TRAPPC9: variants seen among roughly 807,000 people sequenced by gnomAD.
TRAPPC9 encodes the protein IKK2 binding protein.
A neutral mutation model predicts 124.0 loss-of-function variants in TRAPPC9; 83 were observed. That is an observed-to-expected ratio of 0.67 (90% CI 0.56 to 0.80). The LOEUF (loss-of-function observed/expected upper bound fraction) is 0.80, where lower values mean the gene tolerates loss of function less well. Ranked by LOEUF, TRAPPC9 falls within the 30% of genes least tolerant of loss-of-function variation. The pLI is 0.00. For synonymous variants in TRAPPC9, 638 were observed against 617.5 expected (o/e 1.03, Z -0.49); for missense variants, 1,302 against 1,508.3 (o/e 0.86, Z 2.27).
chr8:139,787,075 C>CT (rs1255351841), intron 21 of TRAPPC9, among the ~76,000 whole-genome samples: 1 of 152,154 alleles, frequency 6.6e-6, no homozygotes. Flanking sequence ...AATTCAGAGA[C>CT]TGAGTCAGTC....
chr8:140,273,792 C>T (rs2065035768), intron 15 of TRAPPC9, among the ~76,000 whole-genome samples: 1 of 152,210 alleles, frequency 6.6e-6, no homozygotes, highest in Non-Finnish European at 1.5e-5. Context: ...TCCACGACAC[C>T]TGTGGCCGAT....
chr8:139,769,449 C>T (rs558718809), intron 21 of TRAPPC9, among the ~76,000 whole-genome samples: 23 of 152,322 alleles, frequency 1.5e-4, no homozygotes, highest in African/African-American at 5.1e-4. Context: ...CAGGGCATGA[C>T]GGGCAAGATG....
intron 17 of TRAPPC9, among the ~76,000 whole-genome samples, chr8:140,192,426 G>C (rs1371746243): frequency 6.6e-6 from 1 of 152,206 alleles, no homozygotes; most frequent in Non-Finnish European, 1.5e-5. Flanking sequence ...GCAGTCAACA[G>C]GCCCAATCGT....
At chr8:139,817,968 C>CT (rs1369919335) in intron 21 of TRAPPC9, among the ~76,000 whole-genome samples, 1 of 152,166 alleles carries the variant, frequency 6.6e-6, no homozygotes, top group African/African-American at 2.4e-5. Flanking sequence ...AATTAATCCA[C>CT]TTCAGTTCCA....
At chr8:139,850,904 GC>G in intron 21 of TRAPPC9, among the ~76,000 whole-genome samples, 1 of 152,104 alleles carries the variant, frequency 6.6e-6, no homozygotes, top group East Asian at 1.9e-4. Flanking sequence ...TCCTGATATG[GC>G]AGGATCAAGA....
At chr8:139,793,482 G>A (rs889989576) in intron 21 of TRAPPC9, among the ~76,000 whole-genome samples, 4 of 152,156 alleles carry the variant, frequency 2.6e-5, no homozygotes, top group Non-Finnish European at 4.4e-5. Flanking sequence ...GCCACCTGCC[G>A]CCTGGCCCCT....
intron 16 of TRAPPC9, among the ~76,000 whole-genome samples, chr8:140,249,349 A>C (rs2064069905): frequency 6.6e-6 from 1 of 152,146 alleles, no homozygotes; most frequent in Non-Finnish European, 1.5e-5. Context: ...GTTGCTGCAA[A>C]GGCCATGATT....
intron 17 of TRAPPC9, among the ~76,000 whole-genome samples, chr8:140,201,630 T>A (rs947404634): frequency 6.6e-6 from 1 of 152,256 alleles, no homozygotes; most frequent in African/African-American, 2.4e-5. Context: ...GTCATTCATA[T>A]GTTTTGTCAG....
At chr8:139,988,640 G>A (rs1159898861) in intron 19 of TRAPPC9, 86 bp downstream of exon 19, 2 of 870,950 alleles carry the variant, frequency 2.3e-6, no homozygotes, top group Admixed American at 2.0e-5. Context: ...TGAGGACTTG[G>A]GGTGGATTAT....
intron 7 of TRAPPC9, among the ~76,000 whole-genome samples, chr8:140,374,463 G>C (rs2068377008): frequency 6.6e-6 from 1 of 152,148 alleles, no homozygotes. Context: ...CCAGCTACTT[G>C]AGAGGCTGAA....
chr8:140,062,635 C>T (rs1383109288), intron 17 of TRAPPC9, among the ~76,000 whole-genome samples: 1 of 152,164 alleles, frequency 6.6e-6, no homozygotes, highest in Non-Finnish European at 1.5e-5. Context: ...GCACCTGCCA[C>T]CAGCCACATT....
intron 22 of TRAPPC9, among the ~76,000 whole-genome samples, chr8:139,731,554 T>C (rs1228778947): frequency 6.6e-6 from 1 of 151,700 alleles, no homozygotes; most frequent in African/African-American, 2.4e-5. Flanking sequence ...GGCCTGACAG[T>C]GAGGTGCTGA....
intron 15 of TRAPPC9, among the ~76,000 whole-genome samples, chr8:140,259,890 C>T (rs530273397): frequency 2.5e-4 from 38 of 152,282 alleles, no homozygotes; most frequent in African/African-American, 7.9e-4. Flanking sequence ...CCAGACATCA[C>T]GCTTAGAACA....
chr8:140,046,268 G>T (rs753112661), intron 17 of TRAPPC9, among the ~76,000 whole-genome samples: 1 of 152,262 alleles, frequency 6.6e-6, no homozygotes, highest in Admixed American at 6.5e-5. Flanking sequence ...CTTCGCCGAC[G>T]GCTATGAAAC....
intron 17 of TRAPPC9, among the ~76,000 whole-genome samples, chr8:140,120,139 C>T (rs929505396): frequency 2.6e-5 from 4 of 152,194 alleles, no homozygotes; most frequent in African/African-American, 9.7e-5. Context: ...GGCACTGTGA[C>T]AGATAAGAGG....
chr8:140,303,652 A>G (rs1588124960), intron 10 of TRAPPC9, among the ~76,000 whole-genome samples: 1 of 152,350 alleles, frequency 6.6e-6, no homozygotes, highest in East Asian at 1.9e-4. Context: ...TAGGCACTCA[A>G]CAAATATTTT....
intron 19 of TRAPPC9, among the ~76,000 whole-genome samples, chr8:139,917,167 C>CTTTTTTTTTTTCTTTTTTTT (rs1832196621): frequency 1.0e-5 from 1 of 99,926 alleles, no homozygotes; most frequent in Non-Finnish European, 1.8e-5. Context: ...TTATTATTTT[C>CTTTTTTTTTTTCTTTTTTTT]TTTTTTTTTT....
chr8:140,099,080 G>A (rs1452264250), intron 17 of TRAPPC9: 2 of 151,470 alleles, frequency 1.3e-5, no homozygotes, highest in Non-Finnish European at 2.9e-5. Context: ...CGCCCACCGG[G>A]GTTCTCCGTC....
chr8:140,434,798 G>A (rs892815819), intron 4 of TRAPPC9, among the ~76,000 whole-genome samples: 9 of 151,954 alleles, frequency 5.9e-5, no homozygotes, highest in Non-Finnish European at 8.8e-5. Context: ...GTGAAACCCC[G>A]CCTCTATTAA....
Sources: gnomAD v4.1 joint callset for allele counts (sites outside exome capture counted in the v4.1 genomes callset) on GRCh38, gnomAD v4.1.1 for gene constraint, MANE v1.5 for transcripts, NCBI Gene and HGNC (gene_info 2026-07-23, HGNC 2026-07-21) for gene names.